KCNU1: variants seen among roughly 807,000 people sequenced by gnomAD.
KCNU1 encodes potassium channel subfamily U member 1.
Under a neutral mutation model 126.8 loss-of-function variants are expected in KCNU1, and 93 were observed. The ratio of observed to expected loss-of-function variants is 0.73; its 90% CI spans 0.62 to 0.87. The LOEUF is 0.87. KCNU1 is among the 40% of genes least tolerant of loss of function. KCNU1 has a pLI of 0.00. For synonymous variants in KCNU1, 523 were observed against 494.2 expected, an observed-to-expected ratio of 1.06 and a Z score of -0.77; for missense variants, 1,330 against 1,367.1, an observed-to-expected ratio of 0.97 and a Z score of 0.43.
chr8:36,923,716 G>A lies in KCNU1; in HGVS notation c.2736+1087G>A, dbSNP rs992184293. Among the ~76,000 whole-genome samples, 5 of 152,186 alleles carry A rather than the reference G, an allele frequency of 3.3e-5. No individual in the cohort carries two copies. The South Asian group carries it at 6.2e-4, about 19-fold the overall frequency. On this transcript the variant is annotated intron_variant, in intron 24 of 26. Transcript: ENST00000399881. Reference sequence around the variant, plus strand: ...ATGCATTTGGGTCATCCTTACTGCTGGGTCCTGCATCCATTGGCTGGAGCT... The same window carrying A: ...ATGCATTTGGGTCATCCTTACTGCTAGGTCCTGCATCCATTGGCTGGAGCT...
chr8:36,820,075 G>A (rs1804065756), intron 10 of KCNU1, among the ~76,000 whole-genome samples: 3 of 152,154 alleles, frequency 2.0e-5, no homozygotes, highest in African/African-American at 4.8e-5. Flanking sequence ...CATAGCTGAA[G>A]CAACAGTCAT....
intron 2 of KCNU1, among the ~76,000 whole-genome samples, chr8:36,789,283 G>A (rs1481347950): frequency 1.3e-5 from 2 of 152,054 alleles, no homozygotes; most frequent in Non-Finnish European, 2.9e-5. Context: ...TTGAGCCCAG[G>A]TGGTCAAGGC....
intron 1 of KCNU1, among the ~76,000 whole-genome samples, chr8:36,785,567 T>A (rs182731276): frequency 3.5e-4 from 54 of 152,336 alleles, no homozygotes; most frequent in African/African-American, 1.2e-3. Context: ...ATACTGAAGC[T>A]TATAGATTTT....
intron 2 of KCNU1, among the ~76,000 whole-genome samples, chr8:36,794,884 GCA>G (rs1261467853): frequency 1.3e-5 from 2 of 152,012 alleles, no homozygotes; most frequent in Non-Finnish European, 2.9e-5. Flanking sequence ...AGCTGAGATT[GCA>G]CCACCCACTC....
intron 4 of KCNU1, among the ~76,000 whole-genome samples, chr8:36,805,616 C>G (rs1803470454): frequency 6.6e-6 from 1 of 152,118 alleles, no homozygotes; most frequent in Non-Finnish European, 1.5e-5. Context: ...TGGAGATGTC[C>G]TTAGCTCCAC....
In KCNU1 at chr8:36,864,517, A is replaced by T. The variant is rs1805837995; in HGVS notation, c.2005A>T (p.Thr669Ser). 4 of 1,592,488 alleles carry T rather than the reference A, an allele frequency of 2.5e-6. No homozygotes were observed. The highest frequency in any genetic ancestry group is 3.4e-6 in the Non-Finnish European group (4 of 1,160,520). The change falls in exon 19 of 27, where the codon ACC becomes TCC. Residue 669 changes from threonine to serine, a missense_variant. Physicochemically the swap from Thr to Ser is moderately conservative, Grantham distance 58 (BLOSUM62 1). Around this residue, in one of 3 missense-constraint regions of KCNU1, gnomAD observed 1,054 missense variants for 1,053.9 expected, o/e 1.00. Coordinates refer to ENST00000399881, the MANE Select transcript of KCNU1 (RefSeq NM_001031836.3). ...ASTSSISNFTTRTLQHDVEQD... is the reference protein window; with the variant it reads ...ASTSSISNFTSRTLQHDVEQD... The stretch of plus-strand genomic sequence containing the variant: ...CACTTCGAGCATATCAAACTTCACC[A>T]CCAGGTAAAAGCTGCAGAGAACCCT...
chr8:36,869,720 A>G (rs1242257778), intron 19 of KCNU1, among the ~76,000 whole-genome samples: 1 of 152,218 alleles, frequency 6.6e-6, no homozygotes, highest in East Asian at 1.9e-4. Flanking sequence ...TGGTTGAGAC[A>G]GGACTGATTC....
intron 2 of KCNU1, among the ~76,000 whole-genome samples, chr8:36,803,740 T>C (rs1469977676): frequency 6.6e-6 from 1 of 152,198 alleles, no homozygotes; most frequent in Non-Finnish European, 1.5e-5. Context: ...TAAAAGCCTC[T>C]AGAAGCAGCA....
At position 36,924,228 on chromosome 8, in the gene KCNU1, A is replaced by C. The variant is rs553046330; in HGVS notation, c.2736+1599A>C. On this transcript the variant is annotated intron_variant, in intron 24 of 26. Transcript: ENST00000399881. Reference sequence around the variant, plus strand: ...CACACTCCTCCTACCCGGGATTTTCAAGGGAAGAGCTGCAAAATGGCTGGA... The same window carrying C: ...CACACTCCTCCTACCCGGGATTTTCCAGGGAAGAGCTGCAAAATGGCTGGA... Among the ~76,000 whole-genome samples the C allele has an allele frequency of 1.2e-4, 18 of 152,304 alleles. No homozygotes were observed. The South Asian group carries it at 3.5e-3, about 30-fold the overall frequency.
At chr8:36,934,839 T>G (rs1388243730) in intron 26 of KCNU1, among the ~76,000 whole-genome samples, 2 of 152,146 alleles carry the variant, frequency 1.3e-5, no homozygotes, top group Admixed American at 6.6e-5. Context: ...CTCACATTTT[T>G]GGGCATTTGC....
intron 19 of KCNU1, among the ~76,000 whole-genome samples, chr8:36,872,671 A>G (rs918503390): frequency 6.6e-6 from 1 of 152,214 alleles, no homozygotes; most frequent in Non-Finnish European, 1.5e-5. Context: ...TTATCACTAC[A>G]CAAGAGTCAG....
At chr8:36,825,939 G>T (rs1804302773) in intron 10 of KCNU1, among the ~76,000 whole-genome samples, 1 of 151,908 alleles carries the variant, frequency 6.6e-6, no homozygotes, top group Non-Finnish European at 1.5e-5. Context: ...CTTTTTCAAA[G>T]GTCATACATT....
chr8:36,839,768 G>A (rs1163897177), intron 14 of KCNU1, among the ~76,000 whole-genome samples: 1 of 152,162 alleles, frequency 6.6e-6, no homozygotes, highest in East Asian at 1.9e-4. Flanking sequence ...TCAGAACAGT[G>A]TGGTGGTGAT....
intron 16 of KCNU1, 70 bp from the exon 17 acceptor site, chr8:36,845,510 G>T: frequency 1.2e-6 from 1 of 862,204 alleles, no homozygotes; most frequent in Non-Finnish European, 1.9e-6. Flanking sequence ...GATCATAACA[G>T]AAAGAGGCAC....
intron 22 of KCNU1, among the ~76,000 whole-genome samples, chr8:36,913,437 G>C (rs1807966429): frequency 6.6e-6 from 1 of 152,128 alleles, no homozygotes; most frequent in Non-Finnish European, 1.5e-5. Flanking sequence ...TACTTGAAAA[G>C]ATGAAAGAAA....
chr8:36,837,003 A>G (rs1358251078), intron 14 of KCNU1, 58 bp downstream of exon 14: 3 of 1,559,602 alleles, frequency 1.9e-6, no homozygotes, highest in Non-Finnish European at 2.6e-6. Context: ...ACATATTAAG[A>G]TCAGAAATAG....
chr8:36,807,247 C>T, intron 5 of KCNU1, 128 bp from the exon 6 acceptor site: 5 of 715,074 alleles, frequency 7.0e-6, no homozygotes, highest in Admixed American at 6.9e-5. Context: ...AAGCCTATAA[C>T]ATGAGAATAG....
chr8:36,826,908 A>T (rs1214862928), intron 10 of KCNU1, among the ~76,000 whole-genome samples: 2 of 151,800 alleles, frequency 1.3e-5, no homozygotes, highest in Non-Finnish European at 2.9e-5. Flanking sequence ...TTTTTACCTT[A>T]CCTTTTGTGT....
chr8:36,858,883 C>A (rs976523112), intron 18 of KCNU1, among the ~76,000 whole-genome samples: 1 of 152,168 alleles, frequency 6.6e-6, no homozygotes, highest in Non-Finnish European at 1.5e-5. Flanking sequence ...ATGTAGTCAT[C>A]ATACTCTCCA....
Sources: gnomAD v4.1 joint callset for allele counts (sites outside exome capture counted in the v4.1 genomes callset) on GRCh38, gnomAD v4.1.1 for gene constraint, gnomAD v4.1.1 regional missense constraint, MANE v1.5 for transcripts, NCBI Gene and HGNC (gene_info 2026-07-23, HGNC 2026-07-21) for gene names.